The following NKIRAS1 variants were observed in gnomAD, a reference collection of about 807,000 sequenced individuals.
The protein encoded by NKIRAS1 is NF-kappa-B inhibitor-interacting Ras-like protein 1.
A neutral mutation model predicts 19.8 loss-of-function variants in NKIRAS1; 16 were observed. That is an observed-to-expected ratio of 0.81 (90% confidence interval 0.55 to 1.23). The LOEUF is 1.23. NKIRAS1 is among the 50% of genes most tolerant of loss of function. The pLI, the probability that NKIRAS1 is intolerant of heterozygous loss-of-function variation, is 0.00. For synonymous variants in NKIRAS1, 88 were observed against 79.0 expected (o/e 1.11, Z -0.61); for missense variants, 184 against 220.0 (o/e 0.84, Z 1.04).
intron 3 of NKIRAS1, among the ~76,000 whole-genome samples, chr3:23,909,576 A>G (rs1388701065): frequency 6.6e-6 from 1 of 152,098 alleles, no homozygotes; most frequent in Non-Finnish European, 1.5e-5. Flanking sequence ...AAATGCTTTG[A>G]TGATCTCTGT....
At chr3:23,916,249 A>G (rs146425866) in intron 1 of NKIRAS1, 12 of 152,228 alleles carry the variant, frequency 7.9e-5, no homozygotes, top group African/African-American at 2.9e-4. Context: ...CATGACTTAA[A>G]TTAAAGCCAA....
At chr3:23,907,385 G>T (rs1296961101) in intron 3 of NKIRAS1, among the ~76,000 whole-genome samples, 1 of 152,000 alleles carries the variant, frequency 6.6e-6, no homozygotes, top group East Asian at 1.9e-4. Flanking sequence ...TCAACTGATG[G>T]GGGGGCGGTG....
chr3:23,904,544 C>T (rs1702832555), intron 3 of NKIRAS1, among the ~76,000 whole-genome samples: 1 of 152,182 alleles, frequency 6.6e-6, no homozygotes, highest in Non-Finnish European at 1.5e-5. Context: ...GATTTAATCA[C>T]CTCTTATAGG....
intron 1 of NKIRAS1, among the ~76,000 whole-genome samples, chr3:23,925,060 C>T (rs1282673096): frequency 6.6e-6 from 1 of 152,160 alleles, no homozygotes; most frequent in Non-Finnish European, 1.5e-5. Context: ...AGCTTCTGCT[C>T]AGGTTGTCCC....
chr3:23,920,224 T>C, upstream of NKIRAS1: 1 of 985,878 alleles, frequency 1.0e-6, no homozygotes, highest in Non-Finnish European at 1.2e-6. Context: ...TACTTAACCG[T>C]AATGCTAATT....
chr3:23,894,403 C>T (rs948309002), intron 4 of NKIRAS1, among the ~76,000 whole-genome samples: 1 of 152,192 alleles, frequency 6.6e-6, no homozygotes. Context: ...CCAGTAAGGC[C>T]ATGCCTTGCT....
chr3:23,932,686 C>G (rs570895594), intron 1 of NKIRAS1, among the ~76,000 whole-genome samples: 2 of 127,188 alleles, frequency 1.6e-5, no homozygotes, highest in South Asian at 5.1e-4. Context: ...AAAATTCCGT[C>G]TCAAAAAAAA....
intron 1 of NKIRAS1, among the ~76,000 whole-genome samples, chr3:23,942,178 C>T (rs1290036593): frequency 6.6e-6 from 1 of 151,976 alleles, no homozygotes; most frequent in African/African-American, 2.4e-5. Context: ...GGGGTTTTGT[C>T]AAGTTGGCCA....
rs1377090775 is a variant in NKIRAS1 at position 23,906,107 on chromosome 3, C to T, written c.94+4704G>A. On this transcript the variant is annotated intron_variant, in intron 3 of 4. Coordinates refer to ENST00000425478, the MANE Select transcript of NKIRAS1 (RefSeq NM_020345.4). Reference sequence around the variant, plus strand: ...CTAGGAGGTGGAGGTTGCAGTGAGCCGAGATCGTGCCACTGCACTCCACCC... The same window carrying T: ...CTAGGAGGTGGAGGTTGCAGTGAGCTGAGATCGTGCCACTGCACTCCACCC... Among the ~76,000 whole-genome samples, 23 of 136,934 alleles carry T rather than the reference C, an allele frequency of 1.7e-4. 1 individual carries two copies. Among genetic ancestry groups the T allele is most frequent in the African/African-American group, 2.8e-5 (1 of 35,908 alleles). The allele number at this position is 136,934 out of a possible 152,430, so 89.8% of individuals were successfully genotyped here.
chr3:23,898,750 A>G (rs890026664), intron 4 of NKIRAS1, among the ~76,000 whole-genome samples: 3 of 151,820 alleles, frequency 2.0e-5, no homozygotes, highest in Non-Finnish European at 4.4e-5. Context: ...GGCCTGTATG[A>G]TTTCTTTTAT....
intron 1 of NKIRAS1, among the ~76,000 whole-genome samples, chr3:23,928,951 C>T (rs540485959): frequency 6.9e-5 from 10 of 144,540 alleles, no homozygotes; most frequent in Non-Finnish European, 1.4e-4. Context: ...GAACCGAGAT[C>T]GTGCCACTGC....
At chr3:23,920,629 C>CTAAA, upstream of NKIRAS1, 19 of 984,992 alleles carry the variant, frequency 1.9e-5, no homozygotes, top group Non-Finnish European at 2.3e-5. Context: ...ACTTTGCTGA[C>CTAAA]TTAATTTAAA....
upstream of NKIRAS1, chr3:23,919,801 G>A: frequency 2.8e-6 from 3 of 1,077,774 alleles, no homozygotes; most frequent in Non-Finnish European, 3.4e-6. Context: ...ACTGAAACTA[G>A]CCCTGTAGAT....
chr3:23,936,768 G>A (rs146272165), intron 1 of NKIRAS1, among the ~76,000 whole-genome samples: 9 of 152,134 alleles, frequency 5.9e-5, no homozygotes, highest in African/African-American at 9.7e-5. Flanking sequence ...GGATGGTCTC[G>A]ATCTCCTGAC....
At chr3:23,917,104 G>A (rs1325452434), upstream of NKIRAS1, 2 of 152,598 alleles carry the variant, frequency 1.3e-5, no homozygotes, top group Admixed American at 1.3e-4. Context: ...GGGTGGCTGA[G>A]GTGGGGGAGG....
chr3:23,924,607 C>T (rs1351495873), intron 1 of NKIRAS1, among the ~76,000 whole-genome samples: 1 of 152,030 alleles, frequency 6.6e-6, no homozygotes, highest in Non-Finnish European at 1.5e-5. Context: ...ACCATGTTTG[C>T]CAGGCTGGTC....
At chr3:23,897,194 C>A in intron 4 of NKIRAS1, among the ~76,000 whole-genome samples, 1 of 151,622 alleles carries the variant, frequency 6.6e-6, no homozygotes, top group African/African-American at 2.4e-5. Context: ...GAGCAAGACC[C>A]TGTCTGAAAT....
intron 1 of NKIRAS1, among the ~76,000 whole-genome samples, chr3:23,944,825 CG>C (rs1705587263): frequency 1.8e-4 from 1 of 5,636 alleles, no homozygotes; most frequent in African/African-American, 7.3e-4. Context: ...GGAGGTCGGT[CG>C]GGTGGGAGCG....
chr3:23,894,847 C>T (rs1017948313), intron 4 of NKIRAS1, among the ~76,000 whole-genome samples: 1 of 152,192 alleles, frequency 6.6e-6, no homozygotes, highest in South Asian at 2.1e-4. Context: ...GGCCGGCCCC[C>T]CAACTGCTCC....
Sources: allele counts gnomAD v4.1 joint callset (sites outside exome capture counted in the v4.1 genomes callset), GRCh38; gene constraint gnomAD v4.1.1; transcripts MANE v1.5; gene names NCBI Gene and HGNC (gene_info 2026-07-23, HGNC 2026-07-21).